Variants in KDM4B observed in about 807,000 individuals in gnomAD.
KDM4B encodes the protein lysine-specific demethylase 4B.
Under a neutral mutation model 125.2 loss-of-function variants are expected in KDM4B, and 32 were observed. The ratio of observed to expected loss-of-function variants is 0.26; its 90% confidence interval spans 0.19 to 0.34. The LOEUF is 0.34. Ranked by LOEUF, KDM4B falls within the 10% of genes least tolerant of loss-of-function variation. KDM4B has a pLI of 1.00. For synonymous variants in KDM4B, 721 were observed against 677.9 expected (o/e 1.06, Z -0.99); for missense variants, 1,190 against 1,577.7 (o/e 0.75, Z 4.16).
intron 1 of KDM4B, among the ~76,000 whole-genome samples, chr19:5,000,949 C>A (rs1285888349): frequency 6.6e-6 from 1 of 152,192 alleles, no homozygotes; most frequent in African/African-American, 2.4e-5. Flanking sequence ...CCTGCCCACC[C>A]CCTGCAGGAA....
chr19:5,135,554 C>G lies in KDM4B; in HGVS notation c.2301C>G (p.Val767=), dbSNP rs2039634365. 6.3e-7 allele frequency: 1 copy of G among 1,595,550 alleles called. No homozygotes were observed. Among genetic ancestry groups the G allele is most frequent in the Non-Finnish European group, 8.5e-7 (1 of 1,173,084 alleles). The change falls in exon 15 of 23, where the codon GTC becomes GTG. Residue 767 remains valine, a synonymous_variant. Coordinates refer to ENST00000159111, the MANE Select transcript of KDM4B (RefSeq NM_015015.3). ...CCTGCGGCAAGTGCTGCCTGCAGGT[C>G]CATGCCAGTGAGTGCCACTGTGGGG... ...LIACGKCCLQ[V]HASCYGIRPE...
chr19:5,107,848 G>T (rs940650880), intron 9 of KDM4B, among the ~76,000 whole-genome samples: 1 of 152,246 alleles, frequency 6.6e-6, no homozygotes. Context: ...CTCGAAGGCT[G>T]TGCTTCCCTC....
chr19:5,134,376 G>A (rs1434458378), intron 14 of KDM4B, among the ~76,000 whole-genome samples: 1 of 152,204 alleles, frequency 6.6e-6, no homozygotes, highest in Non-Finnish European at 1.5e-5. Context: ...GCCGGGTGGT[G>A]TGGGAGTGCA....
intron 6 of KDM4B, among the ~76,000 whole-genome samples, chr19:5,066,557 T>C (rs976601429): frequency 1.9e-4 from 29 of 152,366 alleles, no homozygotes; most frequent in Middle Eastern, 6.8e-3. Flanking sequence ...CTAGCATTTG[T>C]CTCTCCCATT....
intron 2 of KDM4B, among the ~76,000 whole-genome samples, chr19:5,019,676 GT>G (rs1236313669): frequency 6.7e-6 from 1 of 148,746 alleles, no homozygotes; most frequent in Non-Finnish European, 1.5e-5. Context: ...TGGCGTGGAT[GT>G]TGGTGTGCAG....
chr19:5,064,710 A>G (rs1390007967), intron 6 of KDM4B, among the ~76,000 whole-genome samples: 1 of 152,194 alleles, frequency 6.6e-6, no homozygotes. Context: ...AGGGCCACAG[A>G]GTCCTGGCTT....
intron 1 of KDM4B, among the ~76,000 whole-genome samples, chr19:5,011,469 A>G (rs1004285179): frequency 3.3e-5 from 5 of 152,126 alleles, no homozygotes; most frequent in Non-Finnish European, 7.4e-5. Context: ...CCCAACCTGT[A>G]AGGGGTACGC....
At chr19:5,101,742 G>A (rs2038939393) in intron 9 of KDM4B, among the ~76,000 whole-genome samples, 1 of 150,006 alleles carries the variant, frequency 6.7e-6, no homozygotes, top group Admixed American at 6.6e-5. Context: ...TGCAGGGGAA[G>A]GGCGGGGAGG....
intron 6 of KDM4B, among the ~76,000 whole-genome samples, chr19:5,064,131 C>T (rs1015850847): frequency 6.6e-6 from 1 of 152,172 alleles, no homozygotes; most frequent in Non-Finnish European, 1.5e-5. Flanking sequence ...ATGGCTTTTC[C>T]GTTCTGTTTG....
intron 2 of KDM4B, among the ~76,000 whole-genome samples, chr19:5,022,530 G>A (rs561570723): frequency 6.6e-6 from 1 of 152,324 alleles, no homozygotes; most frequent in East Asian, 1.9e-4. Context: ...CCAGGCCTCA[G>A]GAGGAGGCAA....
At chr19:5,016,014 C>G (rs1241806077) in intron 1 of KDM4B, among the ~76,000 whole-genome samples, 1 of 152,206 alleles carries the variant, frequency 6.6e-6, no homozygotes, top group Non-Finnish European at 1.5e-5. Context: ...CACGGATACT[C>G]CCGCTGCCTT....
intron 22 of KDM4B, 112 bp from the exon 23 acceptor site, chr19:5,151,223 C>T (rs2039941417): frequency 2.1e-6 from 2 of 958,590 alleles, no homozygotes; most frequent in South Asian, 3.1e-5. Context: ...GCAGCCCCCA[C>T]AGCAATCAGG....
At position 4,996,839 on chromosome 19, in the gene KDM4B, C is replaced by T. The variant is rs192252699; in HGVS notation, c.-108-19418C>T. Among the ~76,000 whole-genome samples the T allele has an allele frequency of 2.1e-4, 32 of 152,332 alleles. No individual in the cohort carries two copies. The East Asian group carries it at 6.0e-3, about 28-fold the overall frequency. ...CAAACCCAAAGCTTCTCAAATTCGG[C>T]ACTCTTGCTATCTTGAGCTGGGTCC... is the stretch of plus-strand genomic sequence containing the variant. On this transcript the variant is annotated intron_variant, in intron 1 of 22. Coordinates refer to ENST00000159111, the MANE Select transcript of KDM4B (RefSeq NM_015015.3).
At chr19:5,075,961 G>A in intron 7 of KDM4B, 1 of 158,596 alleles carries the variant, frequency 6.3e-6, no homozygotes, top group Non-Finnish European at 1.4e-5. Flanking sequence ...TGCCCAAGGG[G>A]GAGGCAGCAC....
chr19:5,056,775 C>T (rs907432919), intron 6 of KDM4B, among the ~76,000 whole-genome samples: 4 of 151,008 alleles, frequency 2.6e-5, no homozygotes, highest in South Asian at 2.1e-4. Context: ...GGCAGCAGCA[C>T]GGGGCATGTG....
At position 5,009,299 on chromosome 19, in the gene KDM4B, A is replaced by G. The variant is rs187131157; in HGVS notation, c.-108-6958A>G. 6.6e-5 allele frequency among the ~76,000 whole-genome samples: 10 copies of G among 152,276 alleles called. No individual in the cohort carries two copies. In the East Asian group the frequency reaches 1.7e-3, roughly 26 times the overall value. ...AAGGATATGAAGGTTTTGGTGACAT[A>G]TTTCTAAATAAGAGGCTGTTTCCCT... On this transcript the variant is annotated intron_variant, in intron 1 of 22. Coordinates refer to ENST00000159111, the MANE Select transcript of KDM4B (RefSeq NM_015015.3).
Position 5,151,550 on chromosome 19 carries a change from A to C in KDM4B, c.*39A>C, listed in dbSNP as rs2039948704. 4 of 1,303,262 alleles carry C rather than the reference A, an allele frequency of 3.1e-6. No individual in the cohort carries two copies. The highest frequency in any genetic ancestry group is 3.9e-6 in the Non-Finnish European group (4 of 1,021,034). The allele number at this position is 1,303,262 out of a possible 1,614,324, so 80.7% of individuals were successfully genotyped here. Reference sequence around the variant, plus strand: ...TCAGGCGACCCTCAGCCCGGCGGGGAGGCCATGGCATGCCCCGGGCGTTCG... The same window carrying C: ...TCAGGCGACCCTCAGCCCGGCGGGGCGGCCATGGCATGCCCCGGGCGTTCG... On this transcript the variant is annotated 3_prime_UTR_variant, in exon 23 of 23. Transcript: ENST00000159111.
At chr19:5,119,545 C>A (rs375166993) in intron 10 of KDM4B, 108 bp from the exon 11 acceptor site, 1 of 1,087,628 alleles carries the variant, frequency 9.2e-7, no homozygotes, top group Non-Finnish European at 1.4e-6. Flanking sequence ...GCTCATGGAG[C>A]GCTCTTCTGG....
intron 6 of KDM4B, among the ~76,000 whole-genome samples, chr19:5,049,938 G>A (rs1428962248): frequency 1.3e-5 from 2 of 152,102 alleles, no homozygotes; most frequent in Admixed American, 6.5e-5. Context: ...TGGAAAGAGT[G>A]TCTGGCCTCT....
Sources: allele counts gnomAD v4.1 joint callset (sites outside exome capture counted in the v4.1 genomes callset), GRCh38; gene constraint gnomAD v4.1.1; transcripts MANE v1.5; gene names NCBI Gene and HGNC (gene_info 2026-07-23, HGNC 2026-07-21).